MEGF11: variants seen among roughly 807,000 people sequenced by gnomAD.
MEGF11 encodes the protein multiple epidermal growth factor-like domains protein 11.
In MEGF11, 126 loss-of-function variants were observed where a neutral mutation model predicts 146.6. That is an observed-to-expected ratio of 0.86 (90% CI 0.74 to 1.00). MEGF11 has a LOEUF of 1.00. Among genes scored for constraint, MEGF11 ranks in the 50% least tolerant of loss-of-function variants. The pLI is 0.00. For synonymous variants in MEGF11, 532 were observed against 583.4 expected, an observed-to-expected ratio of 0.91 and a Z score of 1.27; for missense variants, 1,509 against 1,521.2, an observed-to-expected ratio of 0.99 and a Z score of 0.13.
At chr15:66,214,030 C>CGT (rs2091526824) in intron 1 of MEGF11, among the ~76,000 whole-genome samples, 1 of 92,334 alleles carries the variant, frequency 1.1e-5, no homozygotes. Context: ...GAGCCGGCCA[C>CGT]TTTTTTTTTT....
intron 4 of MEGF11, among the ~76,000 whole-genome samples, chr15:66,118,169 T>C (rs1293742306): frequency 6.6e-6 from 1 of 152,088 alleles, no homozygotes. Context: ...TCTGACACTC[T>C]CCTACAGTAG....
intron 5 of MEGF11, among the ~76,000 whole-genome samples, chr15:66,052,808 G>A (rs920016538): frequency 2.0e-5 from 3 of 152,168 alleles, no homozygotes; most frequent in Admixed American, 6.5e-5. Context: ...CTCTGGCTAC[G>A]TATTGAAATT....
At chr15:66,019,294 G>C (rs1019654485) in intron 5 of MEGF11, among the ~76,000 whole-genome samples, 2 of 152,168 alleles carry the variant, frequency 1.3e-5, no homozygotes, top group African/African-American at 4.8e-5. Context: ...GCTGCTGAAC[G>C]AAGTCTAATT....
intron 1 of MEGF11, among the ~76,000 whole-genome samples, chr15:66,135,672 G>A (rs2088857507): frequency 6.6e-6 from 1 of 152,162 alleles, no homozygotes; most frequent in African/African-American, 2.4e-5. Flanking sequence ...CATTCTAGAT[G>A]CCTCTGGATC....
intron 1 of MEGF11, among the ~76,000 whole-genome samples, chr15:66,250,430 G>A (rs571474214): frequency 9.8e-4 from 149 of 152,300 alleles, no homozygotes; most frequent in Middle Eastern, 3.4e-3. Flanking sequence ...TAAGCCTATG[G>A]AGGAGAGAGC....
chr15:66,217,998 G>A (rs2140150829), intron 1 of MEGF11, among the ~76,000 whole-genome samples: 1 of 152,304 alleles, frequency 6.6e-6, no homozygotes, highest in South Asian at 2.1e-4. Context: ...TCTCTCGGCA[G>A]CTCTTGGCAC....
At chr15:65,953,496 A>G (rs1010105284) in intron 10 of MEGF11, among the ~76,000 whole-genome samples, 1 of 152,184 alleles carries the variant, frequency 6.6e-6, no homozygotes, top group Non-Finnish European at 1.5e-5. Context: ...CAAATTGAGG[A>G]AAGTGAAAGT....
intron 9 of MEGF11, among the ~76,000 whole-genome samples, chr15:65,960,842 C>T (rs1026212210): frequency 2.6e-5 from 4 of 152,196 alleles, no homozygotes; most frequent in Non-Finnish European, 5.9e-5. Flanking sequence ...CTTTGCATTT[C>T]CTGCTTTTGA....
intron 9 of MEGF11, among the ~76,000 whole-genome samples, chr15:65,964,414 G>A (rs942447082): frequency 7.2e-5 from 11 of 152,192 alleles, no homozygotes; most frequent in Non-Finnish European, 1.3e-4. Flanking sequence ...GATGGCCCTC[G>A]TGATTTTTAA....
chr15:66,201,063 T>C (rs1334706317), intron 1 of MEGF11, among the ~76,000 whole-genome samples: 1 of 152,068 alleles, frequency 6.6e-6, no homozygotes, highest in East Asian at 1.9e-4. Context: ...ATGGCCTCCA[T>C]GTGACTCAGG....
intron 22 of MEGF11, among the ~76,000 whole-genome samples, chr15:65,909,462 C>T (rs919676814): frequency 6.6e-6 from 1 of 151,468 alleles, no homozygotes; most frequent in African/African-American, 2.4e-5. Flanking sequence ...AGGTTCCTAT[C>T]CAGATGGTGA....
chr15:66,059,606 C>T (rs201807128), intron 5 of MEGF11, among the ~76,000 whole-genome samples: 71 of 151,912 alleles, frequency 4.7e-4, no homozygotes, highest in African/African-American at 1.4e-3. Flanking sequence ...CCCCCCACAG[C>T]GCTAGCCAAC....
chr15:66,053,040 G>A (rs2084514533), intron 5 of MEGF11, among the ~76,000 whole-genome samples: 1 of 152,178 alleles, frequency 6.6e-6, no homozygotes, highest in Admixed American at 6.5e-5. Context: ...GAATGGACAA[G>A]TGGACAGGTA....
At chr15:66,106,234 G>A (rs984366304) in intron 4 of MEGF11, among the ~76,000 whole-genome samples, 3 of 152,216 alleles carry the variant, frequency 2.0e-5, no homozygotes, top group African/African-American at 7.2e-5. Flanking sequence ...AGAAGTGAAG[G>A]CACAGCCTCT....
At chr15:66,017,988 G>T (rs1001425716) in intron 5 of MEGF11, among the ~76,000 whole-genome samples, 19 of 152,346 alleles carry the variant, frequency 1.2e-4, no homozygotes, top group Middle Eastern at 3.4e-3. Context: ...CACACTTCAG[G>T]GAAGGAGCCG....
chr15:66,017,978 C>T (rs2082952587), intron 5 of MEGF11, among the ~76,000 whole-genome samples: 1 of 152,174 alleles, frequency 6.6e-6, no homozygotes, highest in Non-Finnish European at 1.5e-5. Context: ...GCCTGATTGT[C>T]ACACTTCAGG....
intron 1 of MEGF11, among the ~76,000 whole-genome samples, chr15:66,222,202 G>A (rs2091754195): frequency 1.3e-5 from 2 of 151,976 alleles, no homozygotes; most frequent in African/African-American, 2.4e-5. Flanking sequence ...CCCCAACTCT[G>A]TGACCCTCAG....
intron 5 of MEGF11, among the ~76,000 whole-genome samples, chr15:66,032,822 C>T (rs1364964532): frequency 6.6e-6 from 1 of 152,132 alleles, no homozygotes; most frequent in Non-Finnish European, 1.5e-5. Flanking sequence ...GATTTAAAGA[C>T]AGAATTTATG....
intron 10 of MEGF11, among the ~76,000 whole-genome samples, chr15:65,935,899 A>T (rs1319628395): frequency 3.3e-5 from 5 of 152,196 alleles, no homozygotes; most frequent in Non-Finnish European, 7.3e-5. Flanking sequence ...TGTATAATTG[A>T]CTGGCCAGTC....
Sources: gnomAD v4.1 joint callset for allele counts (sites outside exome capture counted in the v4.1 genomes callset) on GRCh38, gnomAD v4.1.1 for gene constraint, MANE v1.5 for transcripts, NCBI Gene and HGNC (gene_info 2026-07-23, HGNC 2026-07-21) for gene names.